FBXL17: variants seen among roughly 807,000 people sequenced by gnomAD.
The protein encoded by FBXL17 is F-box and leucine rich repeat protein 17.
A neutral mutation model predicts 66.2 loss-of-function variants in FBXL17; 22 were observed. That is an observed-to-expected ratio of 0.33 (90% CI 0.24 to 0.47). The LOEUF (loss-of-function observed/expected upper bound fraction) is 0.47. Among genes scored for constraint, FBXL17 ranks in the 20% least tolerant of loss-of-function variants. FBXL17 has a pLI of 1.00. For missense variants in FBXL17, 878 were observed against 948.2 expected (o/e 0.93, Z 0.97); for synonymous variants, 474 against 400.5 (o/e 1.18, Z -2.19).
intron 4 of FBXL17, among the ~76,000 whole-genome samples, chr5:108,331,577 A>G (rs1760124609): frequency 1.3e-5 from 2 of 152,364 alleles, no homozygotes; most frequent in Non-Finnish European, 1.5e-5. Context: ...ACTTCTAGCA[A>G]TCAAAGAAAT....
intron 6 of FBXL17, among the ~76,000 whole-genome samples, chr5:108,106,732 C>T (rs1331623437): frequency 2.0e-5 from 3 of 152,174 alleles, no homozygotes; most frequent in Non-Finnish European, 1.5e-5. Context: ...TTGGTAGTTG[C>T]CAAGGGCTGA....
At chr5:108,212,338 C>T (rs1464290399) in intron 5 of FBXL17, among the ~76,000 whole-genome samples, 4 of 152,150 alleles carry the variant, frequency 2.6e-5, no homozygotes, top group East Asian at 1.9e-4. Context: ...TCTGTCAATT[C>T]GTCAAACTCA....
intron 6 of FBXL17, among the ~76,000 whole-genome samples, chr5:108,054,931 T>C (rs979478039): frequency 9.9e-5 from 15 of 152,190 alleles, no homozygotes; most frequent in Admixed American, 5.9e-4. Context: ...AGGTGATGTC[T>C]GGGATTTTAG....
At chr5:107,877,982 A>T (rs115652651) in intron 8 of FBXL17, among the ~76,000 whole-genome samples, 1,846 of 152,020 alleles carry the variant, frequency 0.012, 41 homozygotes, top group African/African-American at 0.042. Context: ...ACTTTCTGTT[A>T]CCCTAAGTAC....
chr5:108,142,830 G>A (rs1561431282), intron 6 of FBXL17, among the ~76,000 whole-genome samples: 2 of 152,052 alleles, frequency 1.3e-5, no homozygotes, highest in African/African-American at 4.8e-5. Context: ...AGCAGCAGCA[G>A]GGGCATAAGA....
chr5:107,989,733 C>T (rs1753163387), intron 7 of FBXL17, among the ~76,000 whole-genome samples: 2 of 152,050 alleles, frequency 1.3e-5, no homozygotes, highest in East Asian at 1.9e-4. Context: ...TCCATAGTTG[C>T]TGTGCTAATT....
At chr5:107,955,211 G>C (rs1173946413) in intron 7 of FBXL17, among the ~76,000 whole-genome samples, 2 of 151,882 alleles carry the variant, frequency 1.3e-5, no homozygotes, top group Non-Finnish European at 2.9e-5. Flanking sequence ...ACATTAACTA[G>C]GAGTAAGTAC....
chr5:108,161,083 T>C lies in FBXL17; in HGVS notation c.1745+25034A>G, dbSNP rs570465490. ...GAATTTATTTTTCAACATCCAAGAT[T>C]ATGCATAAATGGTAGCCTGTTAAGA... On this transcript the variant is annotated intron_variant, in intron 6 of 8. Transcript: ENST00000542267. 7.9e-5 allele frequency among the ~76,000 whole-genome samples: 12 copies of C among 152,224 alleles called. No homozygotes were observed. The East Asian group carries it at 2.3e-3, about 29-fold the overall frequency.
At chr5:108,382,079 GCGCGCGCACCCGCGACTCTGCTCGGAGC>G (rs1750023792) in exon 1 of FBXL17, 8 of 585,326 alleles carry the variant, frequency 1.4e-5, no homozygotes, top group South Asian at 3.0e-4. Context: ...TCCGCCGCCG[GCGCGCGCACCCGCGACTCTGCTCGGAGC>G]CGCAGGAGCG....
intron 7 of FBXL17, among the ~76,000 whole-genome samples, chr5:107,995,266 A>T (rs1383208046): frequency 1.3e-5 from 2 of 152,228 alleles, no homozygotes; most frequent in Non-Finnish European, 2.9e-5. Context: ...AATACATATA[A>T]AATACAGAAA....
At chr5:108,278,798 C>A (rs1377500578) in intron 4 of FBXL17, among the ~76,000 whole-genome samples, 4 of 152,208 alleles carry the variant, frequency 2.6e-5, no homozygotes, top group African/African-American at 9.6e-5. Flanking sequence ...GGCCTGAGAA[C>A]TGCATGGCCT....
chr5:108,208,626 C>A (rs148184021), intron 5 of FBXL17, among the ~76,000 whole-genome samples: 13 of 151,936 alleles, frequency 8.6e-5, no homozygotes, highest in Non-Finnish European at 1.5e-4. Context: ...GTTGTAGATA[C>A]GTGGTGTTAT....
intron 7 of FBXL17, among the ~76,000 whole-genome samples, chr5:107,956,444 T>G (rs917318633): frequency 6.6e-6 from 1 of 152,176 alleles, no homozygotes; most frequent in Non-Finnish European, 1.5e-5. Context: ...TTTCTAAAAG[T>G]GTAAGGCGTA....
intron 3 of FBXL17, 79 bp downstream of exon 3, chr5:108,364,659 G>A (rs1010180855): frequency 3.1e-5 from 36 of 1,150,784 alleles, no homozygotes; most frequent in South Asian, 9.0e-5. Context: ...TATTTTTAAC[G>A]TAACCATTTA....
intron 6 of FBXL17, among the ~76,000 whole-genome samples, chr5:108,092,131 A>G (rs1448659242): frequency 6.6e-6 from 1 of 152,178 alleles, no homozygotes; most frequent in Non-Finnish European, 1.5e-5. Context: ...AACTAGTGTC[A>G]TTGTTGTAAT....
At chr5:108,176,750 A>G (rs983909962) in intron 6 of FBXL17, among the ~76,000 whole-genome samples, 1 of 152,264 alleles carries the variant, frequency 6.6e-6, no homozygotes, top group East Asian at 1.9e-4. Flanking sequence ...TTAAATAACT[A>G]TAAGTACTAA....
chr5:107,934,906 C>T (rs35825055), intron 7 of FBXL17, among the ~76,000 whole-genome samples: 51,141 of 151,888 alleles, frequency 0.34, 9,519 homozygotes, highest in African/African-American at 0.48. Context: ...AGGTGACAAT[C>T]GCTGGCCTAA....
intron 6 of FBXL17, among the ~76,000 whole-genome samples, chr5:108,023,199 T>C (rs1754664516): frequency 6.6e-6 from 1 of 152,186 alleles, no homozygotes; most frequent in Admixed American, 6.6e-5. Flanking sequence ...CTAAAAGTCA[T>C]GTACAACATA....
intron 5 of FBXL17, among the ~76,000 whole-genome samples, chr5:108,196,035 C>T (rs1204710345): frequency 2.0e-5 from 3 of 151,908 alleles, no homozygotes; most frequent in Non-Finnish European, 2.9e-5. Flanking sequence ...TACGCCTCTA[C>T]ATTTAATATA....
Sources: allele counts gnomAD v4.1 joint callset (sites outside exome capture counted in the v4.1 genomes callset), GRCh38; gene constraint gnomAD v4.1.1; transcripts MANE v1.5; gene names NCBI Gene and HGNC (gene_info 2026-07-23, HGNC 2026-07-21).